The following CSMD1 variants were observed in gnomAD, a reference collection of about 807,000 sequenced individuals.
The protein encoded by CSMD1 is CUB and Sushi multiple domains 1.
CSMD1 carries 213 observed loss-of-function variants against 417.5 expected under a neutral mutation model. That is an observed-to-expected ratio of 0.51 (90% confidence interval 0.46 to 0.57). CSMD1 has a LOEUF of 0.57. CSMD1 is among the 20% of genes least tolerant of loss of function. The pLI is 0.00. For missense variants in CSMD1, 6,923 were observed against 4,529.7 expected (o/e 1.53, Z -15.17); for synonymous variants, 2,862 against 1,736.8 (o/e 1.65, Z -16.11).
intron 10 of CSMD1, among the ~76,000 whole-genome samples, chr8:3,564,638 C>G (rs1413209287): frequency 7.7e-6 from 1 of 129,416 alleles, no homozygotes; most frequent in Admixed American, 7.5e-5. Context: ...AAAAATAAAT[C>G]TATTTAGTTC....
At chr8:3,136,946 T>A (rs907180166) in intron 41 of CSMD1, among the ~76,000 whole-genome samples, 28 of 152,214 alleles carry the variant, frequency 1.8e-4, no homozygotes, top group African/African-American at 5.5e-4. Context: ...AAAAACATAT[T>A]TTTTTTAAAT....
chr8:4,396,394 G>C (rs932313130), intron 3 of CSMD1, among the ~76,000 whole-genome samples: 1 of 152,110 alleles, frequency 6.6e-6, no homozygotes, highest in Non-Finnish European at 1.5e-5. Flanking sequence ...TTGAGCCTGG[G>C]AGGCAGAGGT....
chr8:3,706,679 A>C (rs1365195350), intron 7 of CSMD1, among the ~76,000 whole-genome samples: 1 of 152,156 alleles, frequency 6.6e-6, no homozygotes, highest in Non-Finnish European at 1.5e-5. Flanking sequence ...ATCCAACCTG[A>C]TATTGATTTA....
intron 16 of CSMD1, among the ~76,000 whole-genome samples, 169 bp downstream of exon 16, chr8:3,399,222 C>A (rs1442544235): frequency 4.6e-5 from 7 of 152,152 alleles, no homozygotes; most frequent in Admixed American, 6.5e-5. Context: ...TTAGAGGATA[C>A]CACTGAAGAA....
chr8:4,535,934 G>A (rs575435674), intron 2 of CSMD1, among the ~76,000 whole-genome samples: 1 of 152,204 alleles, frequency 6.6e-6, no homozygotes, highest in South Asian at 2.1e-4. Context: ...AATAAGAATT[G>A]AGAAACTTAG....
At chr8:4,029,940 G>C (rs559818882) in intron 4 of CSMD1, among the ~76,000 whole-genome samples, 2 of 152,250 alleles carry the variant, frequency 1.3e-5, no homozygotes, top group Admixed American at 6.5e-5. Context: ...ATAGAATCCA[G>C]TGGGGCAGTC....
chr8:3,658,379 T>C (rs1201308586), intron 7 of CSMD1, among the ~76,000 whole-genome samples: 1 of 151,254 alleles, frequency 6.6e-6, no homozygotes, highest in African/African-American at 2.4e-5. Flanking sequence ...ACTCTTTTTA[T>C]TTGTAAATCA....
chr8:3,848,333 G>T (rs949564722), intron 5 of CSMD1, among the ~76,000 whole-genome samples: 2 of 152,110 alleles, frequency 1.3e-5, no homozygotes, highest in Non-Finnish European at 2.9e-5. Flanking sequence ...ACATCAAAAG[G>T]AGCAATCTTA....
intron 1 of CSMD1, among the ~76,000 whole-genome samples, chr8:4,688,750 AC>A (rs1158957493): frequency 6.6e-6 from 1 of 152,170 alleles, no homozygotes; most frequent in Non-Finnish European, 1.5e-5. Context: ...TGAGTCAATT[AC>A]AGCACTGCGG....
intron 25 of CSMD1, among the ~76,000 whole-genome samples, chr8:3,297,886 A>C (rs1019723189): frequency 6.6e-6 from 1 of 152,210 alleles, no homozygotes; most frequent in Non-Finnish European, 1.5e-5. Context: ...TTGGAATTAA[A>C]AACCTGTGTT....
At chr8:4,896,189 A>G (rs1014407261) in intron 1 of CSMD1, among the ~76,000 whole-genome samples, 2 of 151,962 alleles carry the variant, frequency 1.3e-5, no homozygotes, top group Non-Finnish European at 2.9e-5. Flanking sequence ...CATATTCAGC[A>G]TGGCTTTTGT....
chr8:4,039,226 A>C (rs17068668), intron 3 of CSMD1, among the ~76,000 whole-genome samples: 2 of 152,088 alleles, frequency 1.3e-5, no homozygotes, highest in Non-Finnish European at 2.9e-5. Flanking sequence ...ATTTCTCTAC[A>C]CTTTGCCTCT....
intron 3 of CSMD1, among the ~76,000 whole-genome samples, chr8:4,044,685 C>T (rs570407929): frequency 1.5e-5 from 1 of 65,490 alleles, no homozygotes. Flanking sequence ...TGGCCACCTA[C>T]AATCCTGGCT....
chr8:2,975,718 C>T (rs1313606327), intron 55 of CSMD1, among the ~76,000 whole-genome samples: 1 of 152,094 alleles, frequency 6.6e-6, no homozygotes, highest in African/African-American at 2.4e-5. Context: ...TTCAGTGAAA[C>T]AATATCACAG....
rs142834225 is a variant in CSMD1 at position 3,696,705 on chromosome 8, T to C, written c.1009+11709A>G. 3.3e-3 allele frequency among the ~76,000 whole-genome samples: 506 copies of C among 152,304 alleles called. 2 individuals are homozygous for C. The highest frequency in any genetic ancestry group is 0.012 in the African/African-American group (490 of 41,570). ...ACAACAGTCAGTAAGGGAAGTCCAA[T>C]TGTCCATTTTAATCGTTAAAGTATA... On this transcript the variant is annotated intron_variant, in intron 7 of 69. Transcript: ENST00000635120.
chr8:3,500,457 C>T (rs1164351057), intron 10 of CSMD1, among the ~76,000 whole-genome samples: 1 of 152,064 alleles, frequency 6.6e-6, no homozygotes, highest in Non-Finnish European at 1.5e-5. Context: ...ACCACAGATG[C>T]CACCTAAAAT....
At chr8:4,824,015 T>C (rs1467330743) in intron 1 of CSMD1, among the ~76,000 whole-genome samples, 1 of 151,002 alleles carries the variant, frequency 6.6e-6, no homozygotes, top group African/African-American at 2.4e-5. Context: ...GACACACACA[T>C]ACATGCACAC....
chr8:3,151,550 C>G (rs1162319449), intron 39 of CSMD1, 37 bp from the exon 40 acceptor site: 1 of 1,326,292 alleles, frequency 7.5e-7, no homozygotes, highest in Non-Finnish European at 1.1e-6. Flanking sequence ...TGCAGGTCCT[C>G]ACTTTCTCCC....
chr8:4,239,200 C>A (rs751352526), intron 3 of CSMD1, among the ~76,000 whole-genome samples: 1 of 152,190 alleles, frequency 6.6e-6, no homozygotes, highest in Non-Finnish European at 1.5e-5. Context: ...ATTAGAGATA[C>A]AGTTGAGTCT....
Sources: allele counts gnomAD v4.1 joint callset (sites outside exome capture counted in the v4.1 genomes callset), GRCh38; gene constraint gnomAD v4.1.1; transcripts MANE v1.5; gene names NCBI Gene and HGNC (gene_info 2026-07-23, HGNC 2026-07-21).